The following ZNF804B variants were observed in gnomAD, a reference collection of about 807,000 sequenced individuals.
ZNF804B encodes the protein zinc finger protein 804B, also known as zinc finger 804B.
Under a neutral mutation model 101.4 loss-of-function variants are expected in ZNF804B, and 80 were observed. That is an observed-to-expected ratio of 0.79 (90% CI 0.66 to 0.95). The LOEUF is 0.95. Among genes scored for constraint, ZNF804B ranks in the 40% least tolerant of loss-of-function variants. The pLI is 0.00. For synonymous variants in ZNF804B, 622 were observed against 558.8 expected, an observed-to-expected ratio of 1.11 and a Z score of -1.59; for missense variants, 1,673 against 1,561.9, an observed-to-expected ratio of 1.07 and a Z score of -1.20.
chr7:89,067,535 C>T lies in ZNF804B; in HGVS notation c.109-150620C>T, dbSNP rs917204891. 3.9e-5 allele frequency among the ~76,000 whole-genome samples: 6 copies of T among 152,130 alleles called. No individual in the cohort carries two copies. The South Asian group carries it at 1.0e-3, about 26-fold the overall frequency. On this transcript the variant is annotated intron_variant, in intron 1 of 3. Coordinates refer to ENST00000333190, the MANE Select transcript of ZNF804B (RefSeq NM_181646.5). ...CTTTCATAAGCCTAGTCTAGCCCAG[C>T]GGACACAGCAAACACCCATGCCAAC...
At chr7:88,926,107 T>A (rs1792793024) in intron 1 of ZNF804B, among the ~76,000 whole-genome samples, 1 of 152,102 alleles carries the variant, frequency 6.6e-6, no homozygotes, top group Non-Finnish European at 1.5e-5. Context: ...GGAAATACTG[T>A]GACTATGGAA....
chr7:89,021,836 C>G (rs1466129842), intron 1 of ZNF804B, among the ~76,000 whole-genome samples: 1 of 152,140 alleles, frequency 6.6e-6, no homozygotes, highest in Non-Finnish European at 1.5e-5. Flanking sequence ...TAGGTCCAGT[C>G]TTAAGATTGT....
chr7:88,900,480 T>C (rs1483754154), intron 1 of ZNF804B, among the ~76,000 whole-genome samples: 1 of 150,846 alleles, frequency 6.6e-6, no homozygotes, highest in African/African-American at 2.4e-5. Context: ...AAATAGACAG[T>C]ATTTTTCCAT....
chr7:88,955,212 C>T (rs981187302), intron 1 of ZNF804B, among the ~76,000 whole-genome samples: 4 of 151,276 alleles, frequency 2.6e-5, no homozygotes, highest in Non-Finnish European at 4.4e-5. Flanking sequence ...CATGAGGAGC[C>T]TCATATTTCT....
chr7:89,044,262 C>T (rs1260911503), intron 1 of ZNF804B, among the ~76,000 whole-genome samples: 2 of 152,162 alleles, frequency 1.3e-5, no homozygotes, highest in Admixed American at 1.3e-4. Flanking sequence ...GTTTGCTTCC[C>T]CTTTCGCCAT....
At chr7:89,157,268 TTAAC>T (rs1790992730) in intron 1 of ZNF804B, among the ~76,000 whole-genome samples, 1 of 152,180 alleles carries the variant, frequency 6.6e-6, no homozygotes, top group African/African-American at 2.4e-5. Flanking sequence ...TATAAATTAA[TTAAC>T]ACATCCTATT....
chr7:89,003,487 C>A (rs1357860986), intron 1 of ZNF804B, among the ~76,000 whole-genome samples: 1 of 151,864 alleles, frequency 6.6e-6, no homozygotes, highest in Non-Finnish European at 1.5e-5. Context: ...TATTGGCAAA[C>A]CTTTTACTTG....
chr7:88,778,259 T>A (rs1790174540), intron 1 of ZNF804B, among the ~76,000 whole-genome samples: 1 of 152,220 alleles, frequency 6.6e-6, no homozygotes, highest in African/African-American at 2.4e-5. Context: ...CCTCTCATGC[T>A]GCCATCTTTA....
At chr7:89,087,825 A>G (rs1476796528) in intron 1 of ZNF804B, among the ~76,000 whole-genome samples, 1 of 151,868 alleles carries the variant, frequency 6.6e-6, no homozygotes, top group Non-Finnish European at 1.5e-5. Flanking sequence ...TATATGTACT[A>G]TGTACTGGGC....
At position 89,264,362 on chromosome 7, in the gene ZNF804B, T is replaced by C. The variant is rs181789235; in HGVS notation, c.249+46067T>C. ...AGCAGCCAGCACACACCGTCCTGTC[T>C]GTATCACATATCTCAAACTAATACA... On this transcript the variant is annotated intron_variant, in intron 2 of 3. Coordinates refer to ENST00000333190, the MANE Select transcript of ZNF804B (RefSeq NM_181646.5). Among the ~76,000 whole-genome samples, 340 of 152,344 alleles carry C rather than the reference T, an allele frequency of 2.2e-3. 1 individual carries two copies. Among genetic ancestry groups the C allele is most frequent in the African/African-American group, 7.3e-3 (305 of 41,582 alleles).
At chr7:88,957,901 C>T (rs1219540771) in intron 1 of ZNF804B, among the ~76,000 whole-genome samples, 3 of 146,754 alleles carry the variant, frequency 2.0e-5, no homozygotes, top group Non-Finnish European at 3.0e-5. Context: ...TATATAAATA[C>T]GAGTAAATGT....
Position 89,333,378 on chromosome 7 carries a change from A to G in ZNF804B, c.396A>G (p.Gly132=), listed in dbSNP as rs1452216864. 4.4e-6 allele frequency: 7 copies of G among 1,599,260 alleles called. No individual in the cohort carries two copies. Among genetic ancestry groups the G allele is most frequent in the African/African-American group, 1.4e-5 (1 of 73,780 alleles). ...RQQSECVSGN[G]PAYKAPRVAI... ...GTATTTACAGTGTTTCTGGAAATGG[A>G]CCAGCATACAAAGCCCCCAGGGTAG... is the stretch of plus-strand genomic sequence containing the variant. Residue 132 remains glycine, a synonymous_variant, in exon 4 of 4, where the codon GGA becomes GGG. Transcript: ENST00000333190.
chr7:89,066,362 A>C (rs1789454677), intron 1 of ZNF804B, among the ~76,000 whole-genome samples: 1 of 152,126 alleles, frequency 6.6e-6, no homozygotes, highest in Non-Finnish European at 1.5e-5. Context: ...ACCAAGGATC[A>C]AATTGCAATA....
intron 1 of ZNF804B, among the ~76,000 whole-genome samples, chr7:88,820,567 G>C (rs1790961705): frequency 1.3e-5 from 2 of 152,168 alleles, no homozygotes; most frequent in Admixed American, 1.3e-4. Context: ...CAGTTGTTAA[G>C]TCACTTGAAG....
intron 1 of ZNF804B, among the ~76,000 whole-genome samples, chr7:88,995,848 C>T (rs1227380335): frequency 6.6e-6 from 1 of 151,986 alleles, no homozygotes; most frequent in East Asian, 1.9e-4. Context: ...CTGTTGTCCT[C>T]CTCCCCAAAC....
intron 1 of ZNF804B, among the ~76,000 whole-genome samples, chr7:89,053,824 A>T (rs984901523): frequency 2.6e-5 from 4 of 152,028 alleles, no homozygotes; most frequent in African/African-American, 7.2e-5. Context: ...CTTTGTATTG[A>T]AGAGAGTAAT....
intron 1 of ZNF804B, among the ~76,000 whole-genome samples, chr7:89,098,225 C>A (rs993449328): frequency 6.6e-6 from 1 of 151,806 alleles, no homozygotes; most frequent in African/African-American, 2.4e-5. Context: ...TTCTTAATCA[C>A]CATGTTATCC....
intron 1 of ZNF804B, among the ~76,000 whole-genome samples, chr7:88,802,116 C>T (rs1190778871): frequency 6.6e-6 from 1 of 152,018 alleles, no homozygotes; most frequent in Non-Finnish European, 1.5e-5. Flanking sequence ...CGCTCCCTCC[C>T]GCCTCAAGTG....
chr7:89,022,924 G>GA (rs973383549), intron 1 of ZNF804B, among the ~76,000 whole-genome samples: 2 of 151,952 alleles, frequency 1.3e-5, no homozygotes, highest in African/African-American at 4.8e-5. Flanking sequence ...CACATTAGGA[G>GA]AAAAAATAAC....
Sources: gnomAD v4.1 joint callset for allele counts (sites outside exome capture counted in the v4.1 genomes callset) on GRCh38, gnomAD v4.1.1 for gene constraint, MANE v1.5 for transcripts, NCBI Gene and HGNC (gene_info 2026-07-23, HGNC 2026-07-21) for gene names.